MEIS2: variants seen among roughly 807,000 people sequenced by gnomAD.
The protein encoded by MEIS2 is homeobox protein Meis2.
MEIS2 carries 9 observed loss-of-function variants against 58.6 expected under a neutral mutation model. The ratio of observed to expected loss-of-function variants is 0.15; its 90% CI spans 0.09 to 0.27. MEIS2 has a LOEUF of 0.27. Ranked by LOEUF, MEIS2 falls within the 10% of genes least tolerant of loss-of-function variation. The probability of loss-of-function intolerance (pLI) is 1.00; values close to 1 mark genes in which losing one functional copy is unlikely to be tolerated. For missense variants in MEIS2, 427 were observed against 635.0 expected, an observed-to-expected ratio of 0.67 and a Z score of 3.52; for synonymous variants, 221 against 228.4, an observed-to-expected ratio of 0.97 and a Z score of 0.29.
intron 1 of MEIS2, chr15:37,099,195 C>G: frequency 7.1e-7 from 1 of 1,409,062 alleles, no homozygotes; most frequent in Non-Finnish European, 9.2e-7. Flanking sequence ...ACCACTCACA[C>G]GCACTCGCCG....
At chr15:37,002,957 C>G (rs966492895) in intron 8 of MEIS2, among the ~76,000 whole-genome samples, 1 of 152,096 alleles carries the variant, frequency 6.6e-6, no homozygotes, top group Non-Finnish European at 1.5e-5. Context: ...TCAGAGCCAT[C>G]CTCCCAATAC....
intron 7 of MEIS2, among the ~76,000 whole-genome samples, chr15:37,047,607 T>C (rs192304424): frequency 1.2e-3 from 186 of 152,302 alleles, no homozygotes; most frequent in African/African-American, 4.4e-3. Flanking sequence ...AAAGAGAAAG[T>C]ATGAATGGAT....
chr15:37,073,079 T>C (rs756745596), intron 7 of MEIS2, among the ~76,000 whole-genome samples: 3 of 152,078 alleles, frequency 2.0e-5, no homozygotes, highest in Non-Finnish European at 4.4e-5. Context: ...TTGACACAAT[T>C]ATATGGTCCA....
intron 8 of MEIS2, among the ~76,000 whole-genome samples, chr15:36,964,091 G>A (rs1314690852): frequency 6.6e-6 from 1 of 152,192 alleles, no homozygotes; most frequent in East Asian, 1.9e-4. Context: ...GTTCGCTAAA[G>A]TGAGTCCTTT....
chr15:37,003,805 T>C (rs1340788983), intron 8 of MEIS2, among the ~76,000 whole-genome samples: 1 of 152,084 alleles, frequency 6.6e-6, no homozygotes, highest in Non-Finnish European at 1.5e-5. Context: ...CTCTCACAAA[T>C]GGGATTAGTG....
intron 9 of MEIS2, among the ~76,000 whole-genome samples, chr15:36,918,800 T>C (rs1040150228): frequency 6.6e-6 from 1 of 152,150 alleles, no homozygotes; most frequent in Admixed American, 6.5e-5. Flanking sequence ...AATGCACAGA[T>C]AGAGCAAGTA....
intron 8 of MEIS2, among the ~76,000 whole-genome samples, chr15:37,019,660 G>T (rs144458774): frequency 6.6e-6 from 1 of 152,314 alleles, no homozygotes; most frequent in African/African-American, 2.4e-5. Context: ...CCCGTAGAGG[G>T]TAGGGAGAGC....
At chr15:36,944,970 T>A (rs2058510609) in intron 9 of MEIS2, among the ~76,000 whole-genome samples, 1 of 152,104 alleles carries the variant, frequency 6.6e-6, no homozygotes, top group Admixed American at 6.6e-5. Context: ...ATGTTTACTA[T>A]GAAATTATTT....
At chr15:37,056,038 G>A (rs1468409050) in intron 7 of MEIS2, among the ~76,000 whole-genome samples, 2 of 152,156 alleles carry the variant, frequency 1.3e-5, no homozygotes, top group Non-Finnish European at 2.9e-5. Context: ...AACATAACTT[G>A]TTCTAGGTGT....
At chr15:36,911,374 C>T (rs1177534880) in intron 9 of MEIS2, among the ~76,000 whole-genome samples, 1 of 151,974 alleles carries the variant, frequency 6.6e-6, no homozygotes, top group East Asian at 1.9e-4. Flanking sequence ...TTAATCAGAA[C>T]TGTGACTGAG....
At position 37,099,769 on chromosome 15, in the gene MEIS2, C is replaced by T. The variant is rs1269864748; in HGVS notation, c.-303G>A. 2 of 354,722 alleles carry T rather than the reference C, an allele frequency of 5.6e-6. No homozygotes were observed. Among genetic ancestry groups the T allele is most frequent in the Non-Finnish European group, 1.0e-5 (2 of 198,942 alleles). The allele number at this position is 354,722 out of a possible 1,614,324, so 22.0% of individuals were successfully genotyped here. A position where few individuals can be genotyped will look rare whatever the true frequency, so the allele number is the denominator to read the frequency against. On this transcript the variant is annotated 5_prime_UTR_variant, in exon 1 of 12. Coordinates refer to ENST00000561208, the MANE Select transcript of MEIS2 (RefSeq NM_170675.5). ...CCCCTCCTCCTCCTCTTCGGTCCTC[C>T]TTTCCCCCTCTTTCTCTTCTCTTCC...
intron 10 of MEIS2, 178 bp from the exon 11 acceptor site, chr15:36,895,439 T>C: frequency 1.7e-6 from 1 of 586,324 alleles, no homozygotes; most frequent in Non-Finnish European, 3.0e-6. Context: ...TGAGTAGCTT[T>C]AAAAATGTTC....
At chr15:36,907,556 C>T (rs2056802513) in intron 9 of MEIS2, among the ~76,000 whole-genome samples, 1 of 152,202 alleles carries the variant, frequency 6.6e-6, no homozygotes, top group South Asian at 2.1e-4. Context: ...AGGCTCTTAT[C>T]CTCCTCTCAA....
At chr15:37,000,296 T>A (rs2060674027) in intron 8 of MEIS2, among the ~76,000 whole-genome samples, 1 of 152,150 alleles carries the variant, frequency 6.6e-6, no homozygotes, top group African/African-American at 2.4e-5. Context: ...CTTCACTGTC[T>A]GCTTGATGGT....
chr15:36,907,403 A>G (rs1567035446), intron 9 of MEIS2, among the ~76,000 whole-genome samples: 3 of 152,154 alleles, frequency 2.0e-5, no homozygotes, highest in South Asian at 4.1e-4. Flanking sequence ...ACACACCGGC[A>G]ATCTAAAGCC....
At chr15:36,975,656 T>C (rs1188905347) in intron 8 of MEIS2, among the ~76,000 whole-genome samples, 4 of 152,136 alleles carry the variant, frequency 2.6e-5, no homozygotes, top group African/African-American at 9.7e-5. Context: ...TTTTTGTTTT[T>C]ACTTCCAACT....
intron 7 of MEIS2, among the ~76,000 whole-genome samples, chr15:37,069,815 G>A (rs931925031): frequency 6.6e-6 from 1 of 152,122 alleles, no homozygotes; most frequent in African/African-American, 2.4e-5. Context: ...AGGACAGTGA[G>A]ATGTAGACAA....
intron 7 of MEIS2, among the ~76,000 whole-genome samples, chr15:37,047,006 A>G (rs1047903858): frequency 4.6e-5 from 7 of 152,182 alleles, no homozygotes; most frequent in Non-Finnish European, 1.0e-4. Context: ...CTGCCATTAT[A>G]ATTCAGCAGA....
chr15:36,905,845 T>A (rs950255131), intron 9 of MEIS2, among the ~76,000 whole-genome samples: 2 of 152,206 alleles, frequency 1.3e-5, no homozygotes, highest in Non-Finnish European at 2.9e-5. Flanking sequence ...CCTTTAAAGA[T>A]TTTTATTTTC....
Sources: gnomAD v4.1 joint callset for allele counts (sites outside exome capture counted in the v4.1 genomes callset) on GRCh38, gnomAD v4.1.1 for gene constraint, MANE v1.5 for transcripts, NCBI Gene and HGNC (gene_info 2026-07-23, HGNC 2026-07-21) for gene names.